FILIP1L: variants seen among roughly 807,000 people sequenced by gnomAD.
The protein encoded by FILIP1L is filamin A interacting protein 1 like.
FILIP1L carries 55 observed loss-of-function variants against 96.6 expected under a neutral mutation model. The ratio of observed to expected loss-of-function variants is 0.57; its 90% CI spans 0.46 to 0.71. FILIP1L has a LOEUF of 0.71. Among genes scored for constraint, FILIP1L ranks in the 30% least tolerant of loss-of-function variants. The pLI is 0.00. For synonymous variants in FILIP1L, 467 were observed against 473.9 expected, an observed-to-expected ratio of 0.99 and a Z score of 0.19; for missense variants, 1,304 against 1,321.2, an observed-to-expected ratio of 0.99 and a Z score of 0.20.
At chr3:99,861,476 C>G (rs1352373550) in intron 4 of FILIP1L, among the ~76,000 whole-genome samples, 1 of 152,184 alleles carries the variant, frequency 6.6e-6, no homozygotes, top group Non-Finnish European at 1.5e-5. Context: ...TGGTGCTCCT[C>G]CTGGGCTTGT....
chr3:99,864,922 G>T (rs774256512), intron 4 of FILIP1L, among the ~76,000 whole-genome samples: 1 of 152,030 alleles, frequency 6.6e-6, no homozygotes, highest in Non-Finnish European at 1.5e-5. Context: ...GCGCACACAC[G>T]CATCTCATTC....
intron 1 of FILIP1L, among the ~76,000 whole-genome samples, chr3:99,938,650 TGG>T (rs1420875230): frequency 6.6e-6 from 1 of 152,224 alleles, no homozygotes; most frequent in East Asian, 1.9e-4. Flanking sequence ...ATTAAGATTA[TGG>T]GGTTCTCAGC....
intron 4 of FILIP1L, among the ~76,000 whole-genome samples, chr3:99,865,874 G>A (rs983984667): frequency 2.6e-5 from 4 of 151,458 alleles, no homozygotes; most frequent in African/African-American, 9.7e-5. Context: ...TTGTATTTTA[G>A]CAGATTAAAG....
intron 4 of FILIP1L, among the ~76,000 whole-genome samples, chr3:99,865,815 TTA>T (rs1319435292): frequency 2.0e-5 from 3 of 151,948 alleles, no homozygotes; most frequent in African/African-American, 7.2e-5. Context: ...TTAAGAATAT[TTA>T]TATGTTTTTT....
intron 1 of FILIP1L, among the ~76,000 whole-genome samples, chr3:99,933,721 G>A (rs2107666675): frequency 6.6e-6 from 1 of 151,926 alleles, no homozygotes; most frequent in East Asian, 1.9e-4. Context: ...TTAATTATAG[G>A]GCCATCTATG....
intron 1 of FILIP1L, among the ~76,000 whole-genome samples, chr3:100,021,847 C>CAA (rs2064822895): frequency 6.6e-6 from 1 of 150,878 alleles, no homozygotes. Flanking sequence ...CAGTGATTTG[C>CAA]TGGTTAAAGG....
intron 4 of FILIP1L, among the ~76,000 whole-genome samples, chr3:99,872,858 C>T (rs1488413678): frequency 1.3e-5 from 2 of 151,740 alleles, no homozygotes; most frequent in African/African-American, 4.8e-5. Context: ...TTTTGTTTGC[C>T]CAGCTTTCCC....
intron 1 of FILIP1L, among the ~76,000 whole-genome samples, chr3:99,968,200 T>G (rs1340299351): frequency 6.6e-6 from 1 of 152,138 alleles, no homozygotes; most frequent in Non-Finnish European, 1.5e-5. Flanking sequence ...GAAAAGAACA[T>G]GGGAAGGGAA....
At chr3:99,926,400 G>A (rs970937341) in intron 3 of FILIP1L, among the ~76,000 whole-genome samples, 3 of 152,242 alleles carry the variant, frequency 2.0e-5, no homozygotes, top group African/African-American at 7.2e-5. Flanking sequence ...GGAGGCTCTA[G>A]TGTTGATTGT....
intron 1 of FILIP1L, among the ~76,000 whole-genome samples, chr3:100,078,879 G>T (rs1180345790): frequency 6.6e-6 from 1 of 151,832 alleles, no homozygotes; most frequent in East Asian, 1.9e-4. Context: ...CGACAGAGTG[G>T]GACTCCATAT....
chr3:100,024,987 A>G (rs1014338957), intron 1 of FILIP1L, among the ~76,000 whole-genome samples: 1 of 152,188 alleles, frequency 6.6e-6, no homozygotes, highest in African/African-American at 2.4e-5. Context: ...AGCTTGATTT[A>G]TTACCACAAA....
intron 4 of FILIP1L, among the ~76,000 whole-genome samples, chr3:99,877,004 A>G (rs1347346864): frequency 6.6e-6 from 1 of 152,228 alleles, no homozygotes; most frequent in African/African-American, 2.4e-5. Flanking sequence ...CCACGTGAAG[A>G]AAAAAGAAAT....
chr3:100,010,176 A>G (rs1710102066), intron 1 of FILIP1L: 4 of 957,954 alleles, frequency 4.2e-6, no homozygotes, highest in Non-Finnish European at 5.0e-6. Context: ...GGAATTTTCC[A>G]TTTGGTAAAG....
intron 4 of FILIP1L, among the ~76,000 whole-genome samples, chr3:99,892,064 A>G (rs1706099355): frequency 1.3e-5 from 2 of 152,210 alleles, no homozygotes; most frequent in Admixed American, 1.3e-4. Flanking sequence ...GTAAAGAGGG[A>G]TGGTCTAAGA....
At chr3:100,106,389 A>G (rs1386803349) in intron 1 of FILIP1L, among the ~76,000 whole-genome samples, 3 of 152,166 alleles carry the variant, frequency 2.0e-5, no homozygotes, top group Non-Finnish European at 4.4e-5. Flanking sequence ...CCTCCCATCT[A>G]GCCAGATTTA....
At chr3:99,990,106 C>T (rs1709469064) in intron 1 of FILIP1L, among the ~76,000 whole-genome samples, 1 of 152,118 alleles carries the variant, frequency 6.6e-6, no homozygotes, top group South Asian at 2.1e-4. Context: ...ATATATTGAA[C>T]TTATATTTAC....
chr3:99,845,781 A>G (rs192091170), intron 5 of FILIP1L, among the ~76,000 whole-genome samples: 24 of 152,312 alleles, frequency 1.6e-4, no homozygotes, highest in Non-Finnish European at 3.1e-4. Flanking sequence ...ACTTGTAATA[A>G]TCTACACGTT....
chr3:99,903,600 A>C (rs1214778464), intron 4 of FILIP1L, among the ~76,000 whole-genome samples: 1 of 152,148 alleles, frequency 6.6e-6, no homozygotes, highest in Non-Finnish European at 1.5e-5. Flanking sequence ...GGACCAAAAA[A>C]AAAGTAGGTT....
intron 1 of FILIP1L, among the ~76,000 whole-genome samples, chr3:99,960,523 A>G (rs1193351540): frequency 1.3e-5 from 2 of 152,218 alleles, no homozygotes; most frequent in Non-Finnish European, 2.9e-5. Context: ...TACAGCGTGA[A>G]GTGAAATAAT....
Sources: allele counts gnomAD v4.1 joint callset (sites outside exome capture counted in the v4.1 genomes callset), GRCh38; gene constraint gnomAD v4.1.1; transcripts MANE v1.5; gene names NCBI Gene and HGNC (gene_info 2026-07-23, HGNC 2026-07-21).